The following NPR2 variants were observed in gnomAD, a reference collection of about 807,000 sequenced individuals.
NPR2 encodes natriuretic peptide receptor 2, also known as atrial natriuretic peptide receptor 2.
In NPR2, 49 loss-of-function variants were observed where a neutral mutation model predicts 120.7. The observed-to-expected ratio is 0.41, with a 90% confidence interval of 0.32 to 0.52. The LOEUF (loss-of-function observed/expected upper bound fraction) is 0.52, where lower values mean the gene tolerates loss of function less well. Among genes scored for constraint, NPR2 ranks in the 20% least tolerant of loss-of-function variants. NPR2 has a pLI of 0.36. For missense variants in NPR2, 931 were observed against 1,362.9 expected (o/e 0.68, Z 4.99); for synonymous variants, 484 against 519.8 (o/e 0.93, Z 0.94).
Position 35,800,881 on chromosome 9 carries a change from T to G in NPR2, c.1351+40T>G. 1.2e-6 allele frequency: 2 copies of G among 1,614,014 alleles called. No individual in the cohort carries two copies. Among genetic ancestry groups the G allele is most frequent in the African/African-American group, 1.3e-5 (1 of 75,022 alleles). ...GGACTGGGAGCAGCTTTCCTCCCTTTGCTTTCCATTCATGGCCTCCACCCT... is the reference window on the plus strand; with the variant it reads ...GGACTGGGAGCAGCTTTCCTCCCTTGGCTTTCCATTCATGGCCTCCACCCT... On this transcript the variant is annotated intron_variant, in intron 6 of 21. Coordinates refer to ENST00000342694, the MANE Select transcript of NPR2 (RefSeq NM_003995.4). This position sits in a 1 kb window ranked among gnomAD's most constrained non-coding sequence, Gnocchi z 4.7.
In NPR2 at chr9:35,802,566, A is replaced by C; in HGVS notation, c.1774A>C (p.Ile592Leu). 1 of 1,607,986 alleles carries C rather than the reference A, an allele frequency of 6.2e-7. No homozygotes were observed. ...TGGCGCCTGCATAGACCCTCCCAAC[A>C]TTTGCATTGTCACTGAATACTGTCC... ...FIGACIDPPN[I>L]CIVTEYCPRG... is the part of the protein sequence containing the mutation. Residue 592 changes from isoleucine to leucine, a missense_variant, in exon 11 of 22, where the codon ATT becomes CTT. By Grantham distance (5) the Ile-to-Leu change is conservative. Coordinates refer to ENST00000342694, the MANE Select transcript of NPR2 (RefSeq NM_003995.4). This position sits in a 1 kb window ranked among gnomAD's most constrained non-coding sequence, Gnocchi z 4.2.
rs1828326161 is a variant in NPR2 at position 35,805,306 on chromosome 9, T to G, written c.1888-205T>G. On this transcript the variant is annotated intron_variant, in intron 12 of 21. Transcript: ENST00000342694. This position sits in a 1 kb window ranked among gnomAD's most constrained non-coding sequence, Gnocchi z 4.9. ...CCTGTCCCTGGTGGCTGGGTGCCTGTGTCCTGCTTATGATACCAGGAACAG... is the reference window on the plus strand; with the variant it reads ...CCTGTCCCTGGTGGCTGGGTGCCTGGGTCCTGCTTATGATACCAGGAACAG... Among the ~76,000 whole-genome samples the G allele has an allele frequency of 6.6e-6, 1 of 152,236 alleles. No homozygotes were observed. The highest frequency in any genetic ancestry group is 1.5e-5 in the Non-Finnish European group (1 of 68,040).
chr9:35,794,226 G>T, intron 2 of NPR2, 123 bp downstream of exon 2: 1 of 854,600 alleles, frequency 1.2e-6, no homozygotes, highest in Non-Finnish European at 1.8e-6. Flanking sequence ...GGAGTAAAAT[G>T]AACAGAGGCA....
rs370462070 is a variant in NPR2, at chr9:35,792,651, G to A, written c.243G>A (p.Pro81=). 3.5e-5 allele frequency: 56 copies of A among 1,613,908 alleles called. No individual in the cohort carries two copies. Among genetic ancestry groups the A allele is most frequent in the African/African-American group, 1.5e-4 (11 of 74,918 alleles). The change falls in exon 1 of 22, where the codon CCG becomes CCA. Residue 81 remains proline, a synonymous_variant. Transcript: ENST00000342694. ...LEGACSEYLA[P]LSAVDLKLYH... The stretch of plus-strand genomic sequence containing the variant: ...GCGCCTGCTCTGAGTACCTGGCACC[G>A]CTGAGCGCTGTGGACCTCAAGCTGT...
chr9:35,799,896 G>A (rs1828079641), intron 3 of NPR2, 126 bp from the exon 4 acceptor site: 17 of 1,469,358 alleles, frequency 1.2e-5, no homozygotes, highest in Non-Finnish European at 1.5e-5. Context: ...AGGAAGGGAT[G>A]GCACTTTAGG....
At chr9:35,793,765 C>G in intron 1 of NPR2, 133 bp from the exon 2 acceptor site, 1 of 867,560 alleles carries the variant, frequency 1.2e-6, no homozygotes, top group Non-Finnish European at 1.9e-6. Flanking sequence ...TGGGGAGCAT[C>G]TGCTTTGGGG....
In NPR2 at chr9:35,791,756, A is replaced by G. The variant is rs1287616265; in HGVS notation, c.-653A>G. On this transcript the variant is annotated 5_prime_UTR_variant, in exon 1 of 22. Coordinates refer to ENST00000342694, the MANE Select transcript of NPR2 (RefSeq NM_003995.4). ...AAGCGGAGCAGAGAGGAGCGGGGAC[A>G]CGGGCGGGGCCGCCGTAGCTCCGGA... Among the ~76,000 whole-genome samples, 2 of 151,774 alleles carry G rather than the reference A, an allele frequency of 1.3e-5. No homozygotes were observed. The highest frequency in any genetic ancestry group is 3.4e-3 in the Middle Eastern group (1 of 292).
intron 18 of NPR2, chr9:35,807,933 T>A: frequency 1.9e-6 from 1 of 526,394 alleles, no homozygotes; most frequent in Non-Finnish European, 3.4e-6. Flanking sequence ...AATAATAGAT[T>A]CGTTGTATGG....
chr9:35,799,826 C>A, intron 3 of NPR2, 95 bp downstream of exon 3: 1 of 1,410,116 alleles, frequency 7.1e-7, no homozygotes, highest in Non-Finnish European at 1.0e-6. Context: ...TGGAGCAAGC[C>A]CAACTTTGGG....
rs1204043192 is a variant in NPR2, at chr9:35,806,214, T to G, written c.2353T>G (p.Phe785Val). ...GCCAGACTTTGGACAGATTAAGGGCTTCATTCGGCGCTTTAACAAGTGAGA... is the reference window on the plus strand; with the variant it reads ...GCCAGACTTTGGACAGATTAAGGGCGTCATTCGGCGCTTTAACAAGTGAGA... Reference protein sequence around the residue: ...ERPDFGQIKGFIRRFNKEGGT... With the variant: ...ERPDFGQIKGVIRRFNKEGGT... Residue 785 changes from phenylalanine (F) to valine (V), a missense_variant, in exon 15 of 22, where the codon TTC becomes GTC. By Grantham distance (50) the Phe-to-Val change is conservative. Around this residue, in one of 3 missense-constraint regions of NPR2, gnomAD observed 66 missense variants for 60.3 expected, o/e 1.09. Transcript: ENST00000342694. This position sits in a 1 kb window ranked among gnomAD's most constrained non-coding sequence, Gnocchi z 4.6. 3 of 1,614,174 alleles carry G rather than the reference T, an allele frequency of 1.9e-6. No individual in the cohort carries two copies. Among genetic ancestry groups the G allele is most frequent in the Non-Finnish European group, 2.5e-6 (3 of 1,180,046 alleles).
rs1487335513 is a variant in NPR2 at position 35,809,440 on chromosome 9, C to T, written c.3139C>T (p.Leu1047=). 8.7e-6 allele frequency: 14 copies of T among 1,614,074 alleles called. No homozygotes were observed. Among genetic ancestry groups the T allele is most frequent in the Non-Finnish European group, 1.1e-5 (13 of 1,180,044 alleles). The change falls in exon 22 of 22, where the codon CTG becomes TTG. Residue 1047 remains leucine, a synonymous_variant. Coordinates refer to ENST00000342694, the MANE Select transcript of NPR2 (RefSeq NM_003995.4). This position sits in a 1 kb window ranked among gnomAD's most constrained non-coding sequence, Gnocchi z 4.1. The part of the protein sequence containing the change: ...LGERKGPPGL[L] ...AGAGCGGAAAGGACCTCCTGGACTC[C>T]TGTAAACCCCCATTCTTTCCAAGTC...
At chr9:35,795,841 A>G (rs1827930101) in intron 2 of NPR2, among the ~76,000 whole-genome samples, 1 of 152,132 alleles carries the variant, frequency 6.6e-6, no homozygotes, top group Non-Finnish European at 1.5e-5. Flanking sequence ...AGAACTAACC[A>G]TATTATTCAG....
In NPR2 at chr9:35,792,834, T is replaced by C; in HGVS notation, c.426T>C (p.Thr142=). Residue 142 remains threonine (T), a synonymous_variant, in exon 1 of 22, where the codon ACT becomes ACC. Coordinates refer to ENST00000342694, the MANE Select transcript of NPR2 (RefSeq NM_003995.4). ...KNDHYRTLVR[T]GPSAPKLGEF... is the part of the protein sequence containing the mutation. ...ACCATTATCGTACCCTGGTTCGCAC[T>C]GGCCCCTCTGCTCCCAAGCTGGGTG... 1 of 1,614,214 alleles carries C rather than the reference T, an allele frequency of 6.2e-7. No individual in the cohort carries two copies. The highest frequency in any genetic ancestry group is 8.5e-7 in the Non-Finnish European group (1 of 1,180,034).
intron 7 of NPR2, 143 bp downstream of exon 7, chr9:35,801,297 CCT>C: frequency 1.4e-6 from 1 of 734,838 alleles, no homozygotes; most frequent in South Asian, 1.5e-5. Context: ...ACAGCGTCTT[CCT>C]CTCTAGCCTT....
Position 35,806,962 on chromosome 9 carries a change from C to T in NPR2, c.2520-61C>T. Reference sequence around the variant, plus strand: ...TCTCTGCTGCAGCCACATACACTTTCCCTCTCTCTTCCACTCCTGCTCTCT... The same window carrying T: ...TCTCTGCTGCAGCCACATACACTTTTCCTCTCTCTTCCACTCCTGCTCTCT... On this transcript the variant is annotated intron_variant, in intron 16 of 21. Coordinates refer to ENST00000342694, the MANE Select transcript of NPR2 (RefSeq NM_003995.4). The surrounding 1 kb of genome is among the most constrained non-coding windows in gnomAD (Gnocchi z 4.6). The T allele has an allele frequency of 6.3e-7, 1 of 1,591,650 alleles. No individual in the cohort carries two copies. Among genetic ancestry groups the T allele is most frequent in the South Asian group, 1.1e-5 (1 of 90,216 alleles).
At position 35,792,713 on chromosome 9, in the gene NPR2, T is replaced by C; in HGVS notation, c.305T>C (p.Val102Ala). ...DPDLLLGPGC[V>A]YPAASVARFA... is the part of the protein sequence containing the mutation. The stretch of plus-strand genomic sequence containing the variant: ...GACCTGCTGTTAGGTCCCGGTTGCG[T>C]GTACCCTGCTGCCTCTGTGGCCCGC... The change falls in exon 1 of 22, where the codon GTG becomes GCG. Residue 102 changes from valine to alanine, a missense_variant. Val to Ala is a moderately conservative substitution (Grantham distance 64). Coordinates refer to ENST00000342694, the MANE Select transcript of NPR2 (RefSeq NM_003995.4). 1 of 1,614,132 alleles carries C rather than the reference T, an allele frequency of 6.2e-7. No individual in the cohort carries two copies. Among genetic ancestry groups the C allele is most frequent in the Non-Finnish European group, 8.5e-7 (1 of 1,180,020 alleles).
chr9:35,794,094 G>T lies in NPR2; in HGVS notation c.864G>T (p.Glu288Asp). Residue 288 changes from glutamate to aspartate, a missense_variant, in exon 2 of 22, where the codon GAG (glutamate) becomes GAT (aspartate). Glu to Asp is a conservative substitution (Grantham distance 45, BLOSUM62 2). Transcript: ENST00000342694. ...GGGAACAGGCCCAGGCCCTCAGAGA[G>T]GCCTTTCAGGTATCATTTGAGCCAA... ...RTREQAQALR[E>D]AFQTVLVITY... 6.2e-7 allele frequency: 1 copy of T among 1,613,744 alleles called. No homozygotes were observed. The highest frequency in any genetic ancestry group is 8.5e-7 in the Non-Finnish European group (1 of 1,179,700).
intron 3 of NPR2, 107 bp from the exon 4 acceptor site, chr9:35,799,915 G>T: frequency 6.5e-7 from 1 of 1,545,622 alleles, no homozygotes; most frequent in South Asian, 1.1e-5. Flanking sequence ...GGAATAAGAG[G>T]GAAGAAAGCA....
chr9:35,801,771 C>T lies in NPR2; in HGVS notation c.1557+8C>T, dbSNP rs771854471. On this transcript the variant is annotated splice_region_variant and intron_variant, in intron 8 of 21. Coordinates refer to ENST00000342694, the MANE Select transcript of NPR2 (RefSeq NM_003995.4). ...CGCCTCACACTGTCGCTGGTGAGCC[C>T]TTGTCTCAGCTGTTCCTCTGCCTCC... The T allele has an allele frequency of 3.1e-6, 5 of 1,614,158 alleles. No individual in the cohort carries two copies. The South Asian group carries it at 4.4e-5, about 14-fold the overall frequency.
Sources: allele counts gnomAD v4.1 joint callset (sites outside exome capture counted in the v4.1 genomes callset), GRCh38; gene constraint gnomAD v4.1.1; regional missense constraint gnomAD v4.1.1; non-coding constraint Gnocchi (gnomAD v3.1); transcripts MANE v1.5; gene names NCBI Gene and HGNC (gene_info 2026-07-23, HGNC 2026-07-21).